Variants in GPM6A observed in about 807,000 individuals in gnomAD.
GPM6A encodes the protein glycoprotein M6A.
A neutral mutation model predicts 32.1 loss-of-function variants in GPM6A; 7 were observed. The ratio of observed to expected loss-of-function variants is 0.22; its 90% confidence interval spans 0.12 to 0.41. The LOEUF (loss-of-function observed/expected upper bound fraction) is 0.41. Ranked by LOEUF, GPM6A falls within the 10% of genes least tolerant of loss-of-function variation. The pLI is 1.00. For missense variants in GPM6A, 235 were observed against 347.2 expected (o/e 0.68, Z 2.57); for synonymous variants, 130 against 123.4 (o/e 1.05, Z -0.35).
chr4:175,868,700 T>C (rs1414250166), intron 1 of GPM6A, among the ~76,000 whole-genome samples: 1 of 152,226 alleles, frequency 6.6e-6, no homozygotes, highest in Non-Finnish European at 1.5e-5. Flanking sequence ...ATTTCAATCA[T>C]TTCAAATATA....
intron 1 of GPM6A, among the ~76,000 whole-genome samples, chr4:175,754,079 A>C (rs749309193): frequency 6.6e-6 from 1 of 152,108 alleles, no homozygotes; most frequent in African/African-American, 2.4e-5. Context: ...GTATTACCAA[A>C]TCACTATTTT....
At chr4:175,794,479 T>C (rs1734138040) in intron 1 of GPM6A, among the ~76,000 whole-genome samples, 1 of 152,258 alleles carries the variant, frequency 6.6e-6, no homozygotes, top group South Asian at 2.1e-4. Flanking sequence ...GTTTATTCAC[T>C]CAGTATTTAT....
intron 1 of GPM6A, among the ~76,000 whole-genome samples, chr4:175,708,935 C>A (rs981778681): frequency 6.6e-6 from 1 of 152,102 alleles, no homozygotes; most frequent in African/African-American, 2.4e-5. Context: ...TTTGGTAGAA[C>A]AACCAGTAAA....
rs149694986 is a variant in GPM6A, at chr4:175,645,640, G to A, written c.542-4811C>T. Among the ~76,000 whole-genome samples, 441 of 152,252 alleles carry A rather than the reference G, an allele frequency of 2.9e-3. 1 individual carries two copies. Among genetic ancestry groups the A allele is most frequent in the African/African-American group, 9.3e-3 (387 of 41,544 alleles). The stretch of plus-strand genomic sequence containing the variant: ...GGAGGCTGAGGCAGGAGAATTGCTT[G>A]AACCTGGGAGGCAGAGGTTTCAGTG... On this transcript the variant is annotated intron_variant, in intron 4 of 6. Transcript: ENST00000393658.
At chr4:175,725,054 T>A (rs1041561664) in intron 1 of GPM6A, among the ~76,000 whole-genome samples, 65 of 152,194 alleles carry the variant, frequency 4.3e-4, no homozygotes, top group African/African-American at 1.3e-3. Flanking sequence ...AATTGTATCC[T>A]GATTACTCTA....
intron 1 of GPM6A, among the ~76,000 whole-genome samples, chr4:175,843,833 A>G (rs1014670138): frequency 1.3e-5 from 2 of 152,246 alleles, no homozygotes; most frequent in African/African-American, 4.8e-5. Flanking sequence ...TCCCTTCTTG[A>G]TAAAAATTTA....
intron 6 of GPM6A, among the ~76,000 whole-genome samples, chr4:175,638,771 A>G (rs1260677526): frequency 6.6e-6 from 1 of 152,148 alleles, no homozygotes; most frequent in Non-Finnish European, 1.5e-5. Context: ...TACCCGTGTC[A>G]TTAAAGTTTT....
chr4:175,888,369 T>C (rs1418435211), intron 1 of GPM6A, among the ~76,000 whole-genome samples: 1 of 151,998 alleles, frequency 6.6e-6, no homozygotes, highest in Non-Finnish European at 1.5e-5. Context: ...GAGTAAATCA[T>C]AAGAAGCATT....
intron 1 of GPM6A, among the ~76,000 whole-genome samples, chr4:175,991,125 C>T (rs1462507579): frequency 6.7e-6 from 1 of 148,186 alleles, no homozygotes; most frequent in Non-Finnish European, 1.5e-5. Flanking sequence ...GGCTGGAGTG[C>T]AGTAGCATGA....
intron 1 of GPM6A, among the ~76,000 whole-genome samples, chr4:175,820,810 T>A (rs1735256526): frequency 1.3e-5 from 2 of 152,168 alleles, no homozygotes; most frequent in Non-Finnish European, 2.9e-5. Flanking sequence ...GTTTTGTAGG[T>A]TTTGATTAGA....
At chr4:175,760,973 C>T (rs1343026700) in intron 1 of GPM6A, among the ~76,000 whole-genome samples, 1 of 152,016 alleles carries the variant, frequency 6.6e-6, no homozygotes, top group African/African-American at 2.4e-5. Context: ...GGTATTAAGG[C>T]CTTTTTATTT....
In GPM6A at chr4:175,907,219, T is replaced by G. The variant is rs549529339; in HGVS notation, c.-22-94970A>C. The stretch of plus-strand genomic sequence containing the variant: ...CTACATGCCATTCTTCCACCTCCAA[T>G]CAGATTCACGTACACATGCATACAC... On this transcript the variant is annotated intron_variant, in intron 1 of 7. Coordinates refer to the GPM6A transcript ENST00000280187. 1.1e-4 allele frequency: 17 copies of G among 152,268 alleles called. 2 individuals carry two copies. Among genetic ancestry groups the G allele is most frequent in the African/African-American group, 4.1e-4 (17 of 41,536 alleles). 9.4% of individuals were successfully genotyped at this position (152,268 alleles called of 1,614,324 possible).
intron 1 of GPM6A, among the ~76,000 whole-genome samples, chr4:175,753,040 G>A (rs547352757): frequency 1.3e-5 from 2 of 152,186 alleles, no homozygotes; most frequent in East Asian, 3.9e-4. Context: ...TTCCCATATG[G>A]GACACAGAGT....
chr4:175,929,215 T>G lies in GPM6A; in HGVS notation c.-23+73094A>C, dbSNP rs181066622. ...AAATAGCAGGCTTCAATTTTAGAAC[T>G]CTAATTACTTTTTTCTGTATTTAAA... On this transcript the variant is annotated intron_variant, in intron 1 of 7. Coordinates refer to the GPM6A transcript ENST00000280187. Among the ~76,000 whole-genome samples the G allele has an allele frequency of 3.1e-3, 466 of 152,338 alleles. 2 individuals carry two copies. Among genetic ancestry groups the G allele is most frequent in the African/African-American group, 0.011 (445 of 41,584 alleles).
Position 175,766,350 on chromosome 4 carries a change from C to T in GPM6A, c.37+45841G>A, listed in dbSNP as rs1029106764. Among the ~76,000 whole-genome samples, 52 of 152,120 alleles carry T rather than the reference C, an allele frequency of 3.4e-4. 1 individual carries two copies. The highest frequency in any genetic ancestry group is 1.2e-4 in the Non-Finnish European group (8 of 68,016). ...TAAGTGATTCTGAAATGCAGCAGCTCTAATCATGTTAGGAAAACATTCGCT... is the reference window on the plus strand; with the variant it reads ...TAAGTGATTCTGAAATGCAGCAGCTTTAATCATGTTAGGAAAACATTCGCT... On this transcript the variant is annotated intron_variant, in intron 1 of 6. Coordinates refer to ENST00000393658, the MANE Select transcript of GPM6A (RefSeq NM_201591.3).
At chr4:175,872,981 G>A (rs946202645) in intron 1 of GPM6A, among the ~76,000 whole-genome samples, 3 of 152,090 alleles carry the variant, frequency 2.0e-5, no homozygotes, top group African/African-American at 7.2e-5. Context: ...TGGGCAAGTA[G>A]ATACCTGCTG....
At chr4:175,773,125 A>G (rs1309578163) in intron 1 of GPM6A, among the ~76,000 whole-genome samples, 2 of 152,244 alleles carry the variant, frequency 1.3e-5, no homozygotes, top group South Asian at 4.1e-4. Flanking sequence ...ATCAGTTTAC[A>G]TAAGTTTCCC....
chr4:175,892,334 C>T (rs896735880), intron 1 of GPM6A, among the ~76,000 whole-genome samples: 10 of 152,062 alleles, frequency 6.6e-5, no homozygotes, highest in Non-Finnish European at 1.2e-4. Flanking sequence ...GTTCCCTATC[C>T]CTTCCCTACT....
At chr4:175,710,861 C>T (rs1745488181) in intron 1 of GPM6A, among the ~76,000 whole-genome samples, 1 of 152,052 alleles carries the variant, frequency 6.6e-6, no homozygotes, top group South Asian at 2.1e-4. Context: ...GAGTCCTGAC[C>T]CTTATGCTGT....
Sources: allele counts gnomAD v4.1 joint callset (sites outside exome capture counted in the v4.1 genomes callset), GRCh38; gene constraint gnomAD v4.1.1; transcripts MANE v1.5; gene names NCBI Gene and HGNC (gene_info 2026-07-23, HGNC 2026-07-21).